The following PIP5K1B variants were observed in gnomAD, a reference collection of about 807,000 sequenced individuals.
PIP5K1B encodes the protein phosphatidylinositol-4-phosphate 5-kinase type 1 beta, also known as phosphatidylinositol 4-phosphate 5-kinase type-1 beta.
PIP5K1B carries 42 observed loss-of-function variants against 67.0 expected under a neutral mutation model. That is an observed-to-expected ratio of 0.63 (90% CI 0.49 to 0.81). The LOEUF is 0.81. Ranked by LOEUF, PIP5K1B falls within the 30% of genes least tolerant of loss-of-function variation. The pLI is 0.00. For missense variants in PIP5K1B, 459 were observed against 646.3 expected, an observed-to-expected ratio of 0.71 and a Z score of 3.14; for synonymous variants, 214 against 231.4, an observed-to-expected ratio of 0.92 and a Z score of 0.68.
At chr9:68,831,147 A>T (rs1275886167) in intron 4 of PIP5K1B, among the ~76,000 whole-genome samples, 2 of 152,200 alleles carry the variant, frequency 1.3e-5, no homozygotes, top group African/African-American at 4.8e-5. Flanking sequence ...GTGCTTATTC[A>T]GAGTTTTTGC....
intron 1 of PIP5K1B, among the ~76,000 whole-genome samples, chr9:68,719,370 G>A (rs1378586817): frequency 6.6e-6 from 1 of 152,164 alleles, no homozygotes; most frequent in Non-Finnish European, 1.5e-5. Context: ...AAACTGCATA[G>A]CAAAGTTCCC....
intron 3 of PIP5K1B, among the ~76,000 whole-genome samples, chr9:68,818,905 C>T (rs1389473463): frequency 6.6e-6 from 1 of 152,204 alleles, no homozygotes; most frequent in African/African-American, 2.4e-5. Context: ...ATAATCCCAT[C>T]ATCTGTAGAT....
chr9:68,875,112 T>C (rs1823814544), intron 5 of PIP5K1B, among the ~76,000 whole-genome samples: 1 of 151,764 alleles, frequency 6.6e-6, no homozygotes, highest in African/African-American at 2.4e-5. Flanking sequence ...AATGAGTGGA[T>C]GATTTGGGGG....
chr9:69,007,577 G>T (rs1831136398), intron 15 of PIP5K1B, among the ~76,000 whole-genome samples: 1 of 152,144 alleles, frequency 6.6e-6, no homozygotes, highest in Non-Finnish European at 1.5e-5. Flanking sequence ...AGGAAATCAG[G>T]CCGGGTGAGG....
At chr9:68,961,196 G>A (rs1007335925) in intron 14 of PIP5K1B, among the ~76,000 whole-genome samples, 7 of 142,082 alleles carry the variant, frequency 4.9e-5, no homozygotes, top group South Asian at 2.2e-4. Flanking sequence ...CGGCCTGGGC[G>A]ACAGAGCGAG....
At position 68,786,587 on chromosome 9, in the gene PIP5K1B, A is replaced by G. The variant is rs573368133; in HGVS notation, c.-85-31874A>G. 7.9e-5 allele frequency among the ~76,000 whole-genome samples: 12 copies of G among 152,112 alleles called. No homozygotes were observed. In the South Asian group the frequency reaches 2.5e-3, roughly 32 times the overall value. On this transcript the variant is annotated intron_variant, in intron 2 of 15. Coordinates refer to ENST00000265382, the MANE Select transcript of PIP5K1B (RefSeq NM_003558.4). ...GTTTTGAATCAAATGATAGGTAATCATTCCTTAAAACAGTATTATATTAAA... is the reference window on the plus strand; with the variant it reads ...GTTTTGAATCAAATGATAGGTAATCGTTCCTTAAAACAGTATTATATTAAA...
chr9:68,948,741 A>G (rs569445741), intron 14 of PIP5K1B, among the ~76,000 whole-genome samples: 1 of 151,590 alleles, frequency 6.6e-6, no homozygotes, highest in East Asian at 1.9e-4. Context: ...AAGAAAAAAC[A>G]TGGATTTACA....
In PIP5K1B at chr9:68,811,581, G is replaced by A. The variant is rs147730591; in HGVS notation, c.-85-6880G>A. Among the ~76,000 whole-genome samples, 589 of 152,106 alleles carry A rather than the reference G, an allele frequency of 3.9e-3. 2 individuals are homozygous for A. The highest frequency in any genetic ancestry group is 0.013 in the African/African-American group (540 of 41,458). On this transcript the variant is annotated intron_variant, in intron 2 of 15. Coordinates refer to ENST00000265382, the MANE Select transcript of PIP5K1B (RefSeq NM_003558.4). ...TTCCAACTTCTGCCAGTCAACCCCC[G>A]TCCTGATGTTCTGACCCCAGCTGAC...
At chr9:68,967,012 C>T (rs7027826) in intron 14 of PIP5K1B, among the ~76,000 whole-genome samples, 2 of 152,112 alleles carry the variant, frequency 1.3e-5, no homozygotes, top group Non-Finnish European at 2.9e-5. Flanking sequence ...ACATTTTCAC[C>T]TGCCATAGAA....
intron 4 of PIP5K1B, among the ~76,000 whole-genome samples, chr9:68,838,934 A>G (rs1018104844): frequency 6.6e-6 from 1 of 152,226 alleles, no homozygotes; most frequent in East Asian, 1.9e-4. Context: ...CAGATTTTAT[A>G]TCAGTTTAGA....
intron 14 of PIP5K1B, among the ~76,000 whole-genome samples, chr9:68,960,900 T>TTAA (rs1466739712): frequency 4.6e-5 from 7 of 152,226 alleles, no homozygotes; most frequent in Non-Finnish European, 7.3e-5. Context: ...AATCGTTGGT[T>TTAA]GTCTGTTCGT....
chr9:68,792,758 C>T (rs940540535), intron 2 of PIP5K1B, among the ~76,000 whole-genome samples: 6 of 152,114 alleles, frequency 3.9e-5, no homozygotes, highest in Non-Finnish European at 7.4e-5. Context: ...GGATTACAGG[C>T]GTGAGCCACT....
At position 68,858,884 on chromosome 9, in the gene PIP5K1B, G is replaced by A. The variant is rs112201780; in HGVS notation, c.70-4953G>A. ...CTGTAGAAAGCAGTTTTGATGTAAG[G>A]ACGTCAAAATCTTGTCAGATCATTG... On this transcript the variant is annotated intron_variant, in intron 4 of 15. Transcript: ENST00000265382. Among the ~76,000 whole-genome samples the A allele has an allele frequency of 1.3e-3, 194 of 152,334 alleles. 1 individual carries two copies. The highest frequency in any genetic ancestry group is 4.1e-3 in the African/African-American group (170 of 41,576).
chr9:68,945,868 G>C (rs1192017545), intron 14 of PIP5K1B, among the ~76,000 whole-genome samples: 2 of 152,178 alleles, frequency 1.3e-5, no homozygotes, highest in Non-Finnish European at 2.9e-5. Context: ...ATCCATACAA[G>C]TTCTCGTCTT....
chr9:68,775,025 G>A (rs925212628), intron 2 of PIP5K1B, among the ~76,000 whole-genome samples: 11 of 152,206 alleles, frequency 7.2e-5, no homozygotes, highest in African/African-American at 2.7e-4. Flanking sequence ...CCAAGTCGGT[G>A]TAACCATCAC....
intron 14 of PIP5K1B, among the ~76,000 whole-genome samples, chr9:68,961,652 C>G (rs1828755506): frequency 6.6e-6 from 1 of 152,108 alleles, no homozygotes; most frequent in Non-Finnish European, 1.5e-5. Context: ...ATCTTTCCAG[C>G]CTGGATGATA....
intron 1 of PIP5K1B, among the ~76,000 whole-genome samples, chr9:68,739,094 C>G (rs1257174080): frequency 6.6e-6 from 1 of 152,248 alleles, no homozygotes; most frequent in African/African-American, 2.4e-5. Context: ...CTCTAGCTTC[C>G]TCCCCAGCAC....
intron 1 of PIP5K1B, among the ~76,000 whole-genome samples, chr9:68,723,801 C>A (rs533872708): frequency 7.8e-6 from 1 of 128,988 alleles, no homozygotes; most frequent in Admixed American, 9.0e-5. Flanking sequence ...CAAATATTTT[C>A]TCCCATTCTT....
chr9:68,865,172 T>G (rs1185321206), intron 5 of PIP5K1B, among the ~76,000 whole-genome samples: 2 of 152,092 alleles, frequency 1.3e-5, no homozygotes, highest in Admixed American at 1.3e-4. Context: ...CTAGCAGCCA[T>G]GAGAACCAGA....
Sources: allele counts gnomAD v4.1 joint callset (sites outside exome capture counted in the v4.1 genomes callset), GRCh38; gene constraint gnomAD v4.1.1; transcripts MANE v1.5; gene names NCBI Gene and HGNC (gene_info 2026-07-23, HGNC 2026-07-21).